CPLANE1: variants seen among roughly 807,000 people sequenced by gnomAD.
The protein encoded by CPLANE1 is ciliogenesis and planar polarity effector 1.
CPLANE1 carries 263 observed loss-of-function variants against 362.5 expected under a neutral mutation model. The observed-to-expected ratio is 0.73, with a 90% CI of 0.66 to 0.80. The LOEUF (loss-of-function observed/expected upper bound fraction) is 0.80, where lower values mean the gene tolerates loss of function less well. Among genes scored for constraint, CPLANE1 ranks in the 30% least tolerant of loss-of-function variants. CPLANE1 has a pLI of 0.00. For missense variants in CPLANE1, 3,461 were observed against 3,793.4 expected (o/e 0.91, Z 2.30); for synonymous variants, 1,212 against 1,302.6 (o/e 0.93, Z 1.50).
chr5:37,141,457 C>T, intron 44 of CPLANE1: 6 of 984,126 alleles, frequency 6.1e-6, no homozygotes, highest in Non-Finnish European at 7.2e-6. Context: ...AAATTATTAT[C>T]CCCATATGTT....
At chr5:37,144,580 G>A (rs539205849) in intron 43 of CPLANE1, among the ~76,000 whole-genome samples, 10 of 151,832 alleles carry the variant, frequency 6.6e-5, no homozygotes, top group South Asian at 2.1e-4. Context: ...GGCCGGGCAC[G>A]GTGGCTCATG....
At chr5:37,142,590 G>T in intron 43 of CPLANE1, 110 bp from the exon 44 acceptor site, 1 of 660,202 alleles carries the variant, frequency 1.5e-6, no homozygotes, top group Non-Finnish European at 2.4e-6. Context: ...TTAGAAGTTT[G>T]TCACATATTA....
At position 37,246,542 on chromosome 5, in the gene CPLANE1, T is replaced by A. The variant is rs552977607; in HGVS notation, c.82-697A>T. 5 of 152,280 alleles carry A rather than the reference T, an allele frequency of 3.3e-5. No homozygotes were observed. The South Asian group carries it at 8.3e-4, about 25-fold the overall frequency. The allele number at this position is 152,280 out of a possible 1,614,324, so 9.4% of individuals were successfully genotyped here. On this transcript the variant is annotated intron_variant, in intron 2 of 52. Coordinates refer to ENST00000651892, the MANE Select transcript of CPLANE1 (RefSeq NM_001384732.1). The stretch of plus-strand genomic sequence containing the variant: ...AATTATTTACTTAGATTAAAATAGA[T>A]ATAGCTTCTGAAATTCATAAATCCC...
chr5:37,102,242 T>C (rs560170116), downstream of CPLANE1, among the ~76,000 whole-genome samples: 192 of 152,082 alleles, frequency 1.3e-3, no homozygotes, highest in African/African-American at 4.4e-3. Context: ...GGCTGGAGTG[T>C]AGTGGTGCGA....
intron 7 of CPLANE1, among the ~76,000 whole-genome samples, chr5:37,239,425 A>G (rs1015607453): frequency 6.6e-6 from 1 of 152,042 alleles, no homozygotes; most frequent in Non-Finnish European, 1.5e-5. Context: ...TACCAAAAAA[A>G]TACAAAAATT....
chr5:37,199,096 C>CAAAAAAAAA (rs35945783), intron 19 of CPLANE1, among the ~76,000 whole-genome samples: 3 of 47,172 alleles, frequency 6.4e-5, no homozygotes, highest in Non-Finnish European at 1.2e-4. Flanking sequence ...CACCCTGTCT[C>CAAAAAAAAA]AAAAAAAAAA....
Position 37,169,240 on chromosome 5 carries a change from C to T in CPLANE1, c.6784G>A (p.Gly2262Arg), listed in dbSNP as rs769835888. 1.6e-5 allele frequency: 26 copies of T among 1,613,976 alleles called. No individual in the cohort carries two copies. The highest frequency in any genetic ancestry group is 2.1e-5 in the Non-Finnish European group (25 of 1,180,012). Reference sequence around the variant, plus strand: ...GCAGGTTGGAAGGAGTCAGATAATCCCCAAGCCTCTCTTGGTTGTGGCAAA... The same window carrying T: ...GCAGGTTGGAAGGAGTCAGATAATCTCCAAGCCTCTCTTGGTTGTGGCAAA... ...RPLPQPREAW[G>R]LSDSFQPALP... The change falls in exon 34 of 53, where the codon GGA (glycine) becomes AGA (arginine). Residue 2262 changes from glycine to arginine, a missense_variant. Coordinates refer to ENST00000651892, the MANE Select transcript of CPLANE1 (RefSeq NM_001384732.1).
At chr5:37,089,639 G>A in the CPLANE1 span, among the ~76,000 whole-genome samples, 87 of 152,212 alleles carry the variant, frequency 5.7e-4, 1 homozygote, top group South Asian at 0.017. Flanking sequence ...TGCAACCTAT[G>A]GGACCACTTC....
chr5:37,191,483 CAACGTGGTGA>C (rs750568985), intron 21 of CPLANE1, among the ~76,000 whole-genome samples: 2 of 152,076 alleles, frequency 1.3e-5, no homozygotes, highest in Non-Finnish European at 2.9e-5. Flanking sequence ...TCAGCCTGGG[CAACGTGGTGA>C]AACCCCGTCT....
chr5:37,179,323 G>T, intron 29 of CPLANE1, 38 bp downstream of exon 29: 1 of 1,263,988 alleles, frequency 7.9e-7, no homozygotes, highest in Non-Finnish European at 1.1e-6. Context: ...TATACAAAAT[G>T]AAAGAAGAAT....
chr5:37,164,795 A>G (rs1283126444), intron 36 of CPLANE1, among the ~76,000 whole-genome samples: 1 of 152,196 alleles, frequency 6.6e-6, no homozygotes, highest in Non-Finnish European at 1.5e-5. Context: ...CCAAATATAG[A>G]AGGTATATTT....
intron 29 of CPLANE1, among the ~76,000 whole-genome samples, chr5:37,178,082 C>A (rs1053572165): frequency 6.6e-6 from 1 of 152,142 alleles, no homozygotes; most frequent in African/African-American, 2.4e-5. Context: ...TACTTGAGGT[C>A]AGGAGCTCAA....
rs1255266540 is a variant in CPLANE1 at position 37,190,108 on chromosome 5, C to T, written c.3812-2266G>A. ...ATGGGTGTGTGCATGTATTACCTTG[C>T]TATAAAATCTGCACTTATTTTAAAT... On this transcript the variant is annotated intron_variant, in intron 21 of 52. Transcript: ENST00000651892. 2.0e-5 allele frequency among the ~76,000 whole-genome samples: 3 copies of T among 151,994 alleles called. No individual in the cohort carries two copies. In the East Asian group the frequency reaches 5.8e-4, roughly 29 times the overall value.
At chr5:37,178,637 A>T (rs2151080174) in intron 29 of CPLANE1, among the ~76,000 whole-genome samples, 1 of 152,146 alleles carries the variant, frequency 6.6e-6, no homozygotes, top group East Asian at 1.9e-4. Context: ...AAAAACACAG[A>T]ATTGTTACAA....
At chr5:37,082,138 A>G in the CPLANE1 span, among the ~76,000 whole-genome samples, 8 of 152,202 alleles carry the variant, frequency 5.3e-5, no homozygotes, top group Non-Finnish European at 4.4e-5. Context: ...ATGTAGAGAA[A>G]TAACAGAGGT....
chr5:37,174,383 G>A (rs966843280), intron 31 of CPLANE1, among the ~76,000 whole-genome samples: 2 of 152,082 alleles, frequency 1.3e-5, no homozygotes, highest in African/African-American at 2.4e-5. Context: ...GAAAAACTGG[G>A]TTTAAAAAAC....
intron 16 of CPLANE1, chr5:37,211,362 G>C: frequency 6.6e-7 from 1 of 1,517,130 alleles, no homozygotes; most frequent in African/African-American, 1.4e-5. Flanking sequence ...CCCACTACCA[G>C]CAAAGAGCCC....
chr5:37,207,934 T>C (rs1408804905), intron 16 of CPLANE1, among the ~76,000 whole-genome samples: 1 of 152,054 alleles, frequency 6.6e-6, no homozygotes, highest in African/African-American at 2.4e-5. Flanking sequence ...TTGGTTTTTT[T>C]GTTGTTGTTG....
chr5:37,201,489 G>A, intron 19 of CPLANE1, 102 bp downstream of exon 19: 1 of 926,772 alleles, frequency 1.1e-6, no homozygotes. Flanking sequence ...TTTGTCTTTA[G>A]AGCTTGAATT....
Sources: allele counts gnomAD v4.1 joint callset (sites outside exome capture counted in the v4.1 genomes callset), GRCh38; gene constraint gnomAD v4.1.1; transcripts MANE v1.5; gene names NCBI Gene and HGNC (gene_info 2026-07-23, HGNC 2026-07-21).